PTK7: variants seen among roughly 807,000 people sequenced by gnomAD.
PTK7 encodes protein tyrosine kinase 7 (inactive).
A neutral mutation model predicts 116.6 loss-of-function variants in PTK7; 39 were observed. The ratio of observed to expected loss-of-function variants is 0.33; its 90% CI spans 0.26 to 0.44. PTK7 has a LOEUF of 0.44. PTK7 is among the 20% of genes least tolerant of loss of function. PTK7 has a pLI of 1.00. For synonymous variants in PTK7, 546 were observed against 563.6 expected (o/e 0.97, Z 0.44); for missense variants, 1,169 against 1,425.6 (o/e 0.82, Z 2.90).
chr6:43,128,742 A>G (rs191671025), intron 1 of PTK7, among the ~76,000 whole-genome samples: 1 of 152,352 alleles, frequency 6.6e-6, no homozygotes, highest in Admixed American at 6.5e-5. Context: ...CTGAGATCAC[A>G]CCACCACATT....
At chr6:43,140,346 G>A (rs1227067313) in intron 10 of PTK7, among the ~76,000 whole-genome samples, 1 of 150,586 alleles carries the variant, frequency 6.6e-6, no homozygotes, top group African/African-American at 2.4e-5. Context: ...CCAGCTACTC[G>A]GGAGGCTGAG....
At chr6:43,157,364 A>ATATATTTTTTTTT (rs70990168) in intron 17 of PTK7, among the ~76,000 whole-genome samples, 1 of 54,366 alleles carries the variant, frequency 1.8e-5, no homozygotes, top group African/African-American at 7.2e-5. Context: ...ATATATATAT[A>ATATATTTTTTTTT]TTTTTTTTTT....
At chr6:43,159,700 G>T in intron 18 of PTK7, 88 bp from the exon 19 acceptor site, 2 of 1,392,738 alleles carry the variant, frequency 1.4e-6, no homozygotes, top group East Asian at 2.4e-5. Flanking sequence ...CCCCCGGCTT[G>T]GGGATGCGTT....
chr6:43,157,341 TATATATATATATATATA>T (rs1429331386), intron 17 of PTK7, among the ~76,000 whole-genome samples: 2,014 of 12,010 alleles, frequency 0.17, 245 homozygotes, highest in Non-Finnish European at 0.22. Context: ...TATATATATA[TATATATATATATATATA>T]TATATATTTT....
At chr6:43,079,399 G>A (rs530709640) in intron 1 of PTK7, among the ~76,000 whole-genome samples, 1 of 151,234 alleles carries the variant, frequency 6.6e-6, no homozygotes, top group African/African-American at 2.4e-5. Context: ...CCCGGGAGGT[G>A]GAGCTTGCAG....
At chr6:43,081,266 C>CTG (rs1561929066) in intron 1 of PTK7, among the ~76,000 whole-genome samples, 1 of 152,244 alleles carries the variant, frequency 6.6e-6, no homozygotes, top group East Asian at 1.9e-4. Context: ...AACTTCTGGA[C>CTG]TGTCATTCTT....
At chr6:43,100,513 G>A (rs1767515937) in intron 1 of PTK7, among the ~76,000 whole-genome samples, 1 of 150,424 alleles carries the variant, frequency 6.6e-6, no homozygotes, top group Non-Finnish European at 1.5e-5. Flanking sequence ...AAAGATGTCT[G>A]TTAAATCTGT....
At chr6:43,151,872 T>C (rs1371079628) in intron 17 of PTK7, among the ~76,000 whole-genome samples, 1 of 97,634 alleles carries the variant, frequency 1.0e-5, no homozygotes, top group Non-Finnish European at 1.9e-5. Context: ...TTTGAGGCAG[T>C]CTCGCTCTGT....
At chr6:43,116,359 G>A (rs1221446715) in intron 1 of PTK7, among the ~76,000 whole-genome samples, 5 of 152,212 alleles carry the variant, frequency 3.3e-5, no homozygotes, top group South Asian at 2.1e-4. Context: ...CTAACATTGC[G>A]TCGTGTCCCC....
chr6:43,116,603 TTTGTGTGTGTGTG>T (rs1372623047), intron 1 of PTK7, among the ~76,000 whole-genome samples: 90 of 126,252 alleles, frequency 7.1e-4, no homozygotes, highest in African/African-American at 2.8e-3. Context: ...GAAAAGCTGG[TTTGTGTGTGTGTG>T]TGTGTGTGTG....
At chr6:43,092,131 G>T (rs1014822218) in intron 1 of PTK7, among the ~76,000 whole-genome samples, 1 of 152,134 alleles carries the variant, frequency 6.6e-6, no homozygotes, top group Non-Finnish European at 1.5e-5. Flanking sequence ...AAAGTGCTGG[G>T]ATTACAGGCG....
chr6:43,158,069 C>T (rs1236037054), intron 17 of PTK7, among the ~76,000 whole-genome samples: 3 of 151,950 alleles, frequency 2.0e-5, no homozygotes, highest in Non-Finnish European at 4.4e-5. Context: ...AAGGCCGAGG[C>T]GGGCGGATCA....
Position 43,158,860 on chromosome 6 carries a change from C to T in PTK7, c.2765C>T (p.Ser922Phe). 1.9e-6 allele frequency: 3 copies of T among 1,614,212 alleles called. No homozygotes were observed. Among genetic ancestry groups the T allele is most frequent in the Non-Finnish European group, 2.5e-6 (3 of 1,180,030 alleles). Residue 922 changes from serine (S) to phenylalanine (F), a missense_variant, in exon 18 of 20, where the codon TCC becomes TTC. Coordinates refer to ENST00000230419, the MANE Select transcript of PTK7 (RefSeq NM_002821.5). ...GTAGCCCTGGGCATGGAGCACCTGT[C>T]CAACAACCGCTTTGTGCATAAGGAC... is the stretch of plus-strand genomic sequence containing the variant. ...TQVALGMEHL[S>F]NNRFVHKDLA...
intron 1 of PTK7, among the ~76,000 whole-genome samples, chr6:43,083,424 C>A (rs1582053538): frequency 6.6e-6 from 1 of 152,206 alleles, no homozygotes; most frequent in Admixed American, 6.5e-5. Flanking sequence ...TGGTTAGAGT[C>A]CTATGTTGGA....
rs1400902125 is a variant in PTK7, at chr6:43,143,379, TAGC to T, written c.2048-34_2048-32del. 6.3e-7 allele frequency: 1 copy of T among 1,589,296 alleles called. No homozygotes were observed. Among genetic ancestry groups the T allele is most frequent in the African/African-American group, 1.4e-5 (1 of 73,646 alleles). On this transcript the variant is annotated intron_variant, in intron 13 of 19. Coordinates refer to ENST00000230419, the MANE Select transcript of PTK7 (RefSeq NM_002821.5). The surrounding 1 kb of genome is among the most constrained non-coding windows in gnomAD (Gnocchi z 4.2). ...GTAGAGAAGCAGGGCTTCTTTTGCTTAGCAGCCCCTGCCCAGACCCATCTGTGT... is the reference window on the plus strand; with the variant it reads ...GTAGAGAAGCAGGGCTTCTTTTGCTTAGCCCCTGCCCAGACCCATCTGTGT...
chr6:43,088,386 T>TA (rs1766772772), intron 1 of PTK7, among the ~76,000 whole-genome samples: 1 of 151,990 alleles, frequency 6.6e-6, no homozygotes, highest in Admixed American at 6.6e-5. Context: ...GTCCAGGTGT[T>TA]ACTGTGCTAT....
At chr6:43,082,173 A>C (rs1035884425) in intron 1 of PTK7, among the ~76,000 whole-genome samples, 3 of 152,000 alleles carry the variant, frequency 2.0e-5, no homozygotes, top group African/African-American at 4.8e-5. Context: ...GCAATCTGCA[A>C]TTTATTTATT....
At chr6:43,105,290 A>AG (rs1476652243) in intron 1 of PTK7, among the ~76,000 whole-genome samples, 1 of 151,610 alleles carries the variant, frequency 6.6e-6, no homozygotes, top group Non-Finnish European at 1.5e-5. Context: ...AATGACAAAA[A>AG]GAAAAAAAAA....
Position 43,129,599 on chromosome 6 carries a change from C to T in PTK7, c.368-128C>T. The T allele has an allele frequency of 1.2e-6, 1 of 828,306 alleles. No individual in the cohort carries two copies. Among genetic ancestry groups the T allele is most frequent in the Non-Finnish European group, 2.0e-6 (1 of 512,260 alleles). The allele number at this position is 828,306 out of a possible 1,614,324, so 51.3% of individuals were successfully genotyped here. A position where few individuals can be genotyped will look rare whatever the true frequency, so the allele number is the denominator to read the frequency against. On this transcript the variant is annotated intron_variant, in intron 2 of 19. Coordinates refer to ENST00000230419, the MANE Select transcript of PTK7 (RefSeq NM_002821.5). This position sits in a 1 kb window ranked among gnomAD's most constrained non-coding sequence, Gnocchi z 4.5. ...TAACTGTAGCCCCAGCCTCAGCCTC[C>T]AGGGCTTCCTTGTGTCTGTTGGCAC...
Sources: allele counts gnomAD v4.1 joint callset (sites outside exome capture counted in the v4.1 genomes callset), GRCh38; gene constraint gnomAD v4.1.1; non-coding constraint Gnocchi (gnomAD v3.1); transcripts MANE v1.5; gene names NCBI Gene and HGNC (gene_info 2026-07-23, HGNC 2026-07-21).